The following MGAM2 variants were observed in gnomAD, a reference collection of about 807,000 sequenced individuals.
The protein encoded by MGAM2 is probable maltase-glucoamylase 2.
In MGAM2, 98 loss-of-function variants were observed where a neutral mutation model predicts 96.1. That is an observed-to-expected ratio of 1.02 (90% confidence interval 0.87 to 1.21). MGAM2 has a LOEUF of 1.21. MGAM2 is among the 50% of genes most tolerant of loss of function. The pLI is 0.00. For synonymous variants in MGAM2, 749 were observed against 414.8 expected, an observed-to-expected ratio of 1.81 and a Z score of -9.79; for missense variants, 2,055 against 1,182.4, an observed-to-expected ratio of 1.74 and a Z score of -10.82.
chr7:142,193,534 C>G (rs1159222989), intron 37 of MGAM2, among the ~76,000 whole-genome samples: 1 of 152,192 alleles, frequency 6.6e-6, no homozygotes, highest in Non-Finnish European at 1.5e-5. Context: ...TGACTCTTCC[C>G]TGCTGACCTT....
In MGAM2 at chr7:142,171,469, C is replaced by T. The variant is rs1318167550; in HGVS notation, c.3351+29C>T. The T allele has an allele frequency of 8.6e-6, 6 of 698,656 alleles. No homozygotes were observed. The South Asian group carries it at 8.9e-5, about 10-fold the overall frequency. 43.3% of individuals were successfully genotyped at this position (698,656 alleles called of 1,614,324 possible). ...GGGACAAAGGAATAAGTTTAGCAAT[C>T]AGTTTCTCTTTATGTAAATCTCTTT... On this transcript the variant is annotated intron_variant, in intron 28 of 47. Coordinates refer to ENST00000477922, the MANE Select transcript of MGAM2 (RefSeq NM_001293626.2).
At position 142,120,265 on chromosome 7, in the gene MGAM2, T is replaced by C. The variant is rs984175018; in HGVS notation, c.107-37T>C. The C allele has an allele frequency of 4.3e-6, 3 of 701,668 alleles. No homozygotes were observed. The Admixed American group carries it at 6.0e-5, about 14-fold the overall frequency. The allele number at this position is 701,668 out of a possible 1,614,324, so 43.5% of individuals were successfully genotyped here. ...TTCCTTCCTGGAGCTGTGATTACAC[T>C]ACACATTTTCAACTTTATCCTTTAA... is the stretch of plus-strand genomic sequence containing the variant. On this transcript the variant is annotated intron_variant, in intron 2 of 47. Transcript: ENST00000477922.
rs144244343 is a variant in MGAM2, at chr7:142,201,657, A to G, written c.5137+1689A>G. ...TGTGGTTTGAAAATGCAGTTAGCCT[A>G]CAATAGTTGCATCTGTATTGACCAT... On this transcript the variant is annotated intron_variant, in intron 45 of 47. Coordinates refer to ENST00000477922, the MANE Select transcript of MGAM2 (RefSeq NM_001293626.2). Among the ~76,000 whole-genome samples the G allele has an allele frequency of 3.1e-3, 471 of 152,306 alleles. 4 individuals are homozygous for G. The highest frequency in any genetic ancestry group is 0.011 in the African/African-American group (455 of 41,564).
In MGAM2 at chr7:142,172,092, TC is replaced by T; in HGVS notation, c.3352-3del. 1.4e-6 allele frequency: 1 copy of T among 720,162 alleles called. No homozygotes were observed. The allele number at this position is 720,162 out of a possible 1,614,324, so 44.6% of individuals were successfully genotyped here. A position where few individuals can be genotyped will look rare whatever the true frequency, so the allele number is the denominator to read the frequency against. ...TCTTTTTGTTTATTACCCTCGTGAC[TC>T]CCAGTACAAGAAGAATTCCTATGGT... On this transcript the variant is annotated splice_region_variant and splice_polypyrimidine_tract_variant and intron_variant, in intron 28 of 47. Transcript: ENST00000477922.
intron 8 of MGAM2, 146 bp downstream of exon 8, chr7:142,136,786 T>G: frequency 3.7e-6 from 2 of 538,834 alleles, no homozygotes. Flanking sequence ...AACCTGAAAG[T>G]AGGTTAATCT....
intron 40 of MGAM2, among the ~76,000 whole-genome samples, chr7:142,197,070 G>A (rs988805423): frequency 6.6e-6 from 1 of 152,164 alleles, no homozygotes; most frequent in African/African-American, 2.4e-5. Context: ...TAAAATGAAA[G>A]AAGATCCCTT....
At chr7:142,120,482 C>T (rs1230909955) in intron 3 of MGAM2, 101 bp downstream of exon 3, 3 of 590,508 alleles carry the variant, frequency 5.1e-6, no homozygotes, top group Non-Finnish European at 9.2e-6. Context: ...GCTTCTGGGC[C>T]TCTGATTTGT....
chr7:142,155,381 A>C (rs1795706162), intron 17 of MGAM2, among the ~76,000 whole-genome samples: 1 of 152,194 alleles, frequency 6.6e-6, no homozygotes, highest in Admixed American at 6.5e-5. Flanking sequence ...AGTACATGGA[A>C]GTGGGTTCAA....
intron 2 of MGAM2, among the ~76,000 whole-genome samples, chr7:142,117,431 G>A (rs1042570195): frequency 2.0e-4 from 31 of 152,260 alleles, no homozygotes; most frequent in Non-Finnish European, 3.7e-4. Flanking sequence ...CTTTGAAACC[G>A]TTCTGTCTGT....
intron 23 of MGAM2, among the ~76,000 whole-genome samples, chr7:142,162,369 G>C (rs1435812446): frequency 6.6e-6 from 1 of 152,078 alleles, no homozygotes; most frequent in Non-Finnish European, 1.5e-5. Context: ...CATAATGGCT[G>C]TCCTTTGTAG....
chr7:142,161,493 A>G (rs1352434069), intron 22 of MGAM2, among the ~76,000 whole-genome samples: 1 of 152,244 alleles, frequency 6.6e-6, no homozygotes, highest in Admixed American at 6.5e-5. Flanking sequence ...TTAATTATTA[A>G]TAACAGATAA....
chr7:142,122,623 C>T (rs567098009), intron 3 of MGAM2, among the ~76,000 whole-genome samples: 9 of 152,292 alleles, frequency 5.9e-5, no homozygotes, highest in African/African-American at 2.2e-4. Context: ...AATCACATAG[C>T]GTAGTGTAAA....
intron 2 of MGAM2, among the ~76,000 whole-genome samples, chr7:142,117,324 A>T (rs1434616094): frequency 1.3e-5 from 2 of 152,102 alleles, no homozygotes; most frequent in Non-Finnish European, 2.9e-5. Flanking sequence ...GCCCCATTAT[A>T]TTATGGAAAA....
At chr7:142,139,837 T>C (rs1795169048) in intron 10 of MGAM2, among the ~76,000 whole-genome samples, 1 of 151,634 alleles carries the variant, frequency 6.6e-6, no homozygotes, top group Non-Finnish European at 1.5e-5. Context: ...TGTGTTTTGG[T>C]GTCAAAGGGG....
chr7:142,166,895 G>T (rs1257375758), intron 25 of MGAM2, among the ~76,000 whole-genome samples: 1 of 152,180 alleles, frequency 6.6e-6, no homozygotes, highest in East Asian at 1.9e-4. Flanking sequence ...AGTGGAGCTG[G>T]TTCCTTCTGA....
At position 142,172,688 on chromosome 7, in the gene MGAM2, G is replaced by A. The variant is rs979515502; in HGVS notation, c.3485G>A (p.Arg1162His). ...CAGCCCACTCCTGCTCTGACATACC[G>A]CACCACAGGAGGGATTTTGGACTTC... ...TLQPTPALTY[R>H]TTGGILDFYI... The change falls in exon 30 of 48, where the codon CGC becomes CAC. Residue 1162 changes from arginine (R) to histidine (H), a missense_variant. Coordinates refer to ENST00000477922, the MANE Select transcript of MGAM2 (RefSeq NM_001293626.2). 4.5e-5 allele frequency: 32 copies of A among 705,010 alleles called. 1 individual carries two copies. The highest frequency in any genetic ancestry group is 3.0e-4 in the African/African-American group (17 of 57,496). 43.7% of individuals were successfully genotyped at this position (705,010 alleles called of 1,614,324 possible). A position where few individuals can be genotyped will look rare whatever the true frequency, so the allele number is the denominator to read the frequency against.
chr7:142,188,334 G>A (rs771657991), intron 36 of MGAM2, among the ~76,000 whole-genome samples: 1 of 152,112 alleles, frequency 6.6e-6, no homozygotes, highest in Non-Finnish European at 1.5e-5. Context: ...AAACAAGGAA[G>A]GAAATGACTC....
intron 46 of MGAM2, among the ~76,000 whole-genome samples, chr7:142,213,447 G>C (rs1031828810): frequency 6.6e-6 from 1 of 152,146 alleles, no homozygotes; most frequent in Non-Finnish European, 1.5e-5. Context: ...AAGAAAAAAA[G>C]AGAGAAGAAT....
chr7:142,130,178 G>A (rs1794846183), intron 3 of MGAM2, among the ~76,000 whole-genome samples: 1 of 152,132 alleles, frequency 6.6e-6, no homozygotes, highest in Non-Finnish European at 1.5e-5. Context: ...CATGTGATTT[G>A]TTTTTGCCTT....
Sources: gnomAD v4.1 joint callset for allele counts (sites outside exome capture counted in the v4.1 genomes callset) on GRCh38, gnomAD v4.1.1 for gene constraint, MANE v1.5 for transcripts, NCBI Gene and HGNC (gene_info 2026-07-23, HGNC 2026-07-21) for gene names.